Variants in JCAD observed in about 807,000 individuals in gnomAD.
JCAD encodes junctional cadherin 5 associated, also known as junctional cadherin 5-associated protein.
Under a neutral mutation model 98.0 loss-of-function variants are expected in JCAD, and 40 were observed. The ratio of observed to expected loss-of-function variants is 0.41; its 90% CI spans 0.32 to 0.53. The LOEUF is 0.53. Ranked by LOEUF, JCAD falls within the 20% of genes least tolerant of loss-of-function variation. The pLI is 0.31. For synonymous variants in JCAD, 691 were observed against 682.3 expected (o/e 1.01, Z -0.20); for missense variants, 1,705 against 1,738.1 (o/e 0.98, Z 0.34).
chr10:30,079,673 A>G (rs1001032221), intron 1 of JCAD, among the ~76,000 whole-genome samples: 40 of 152,284 alleles, frequency 2.6e-4, no homozygotes, highest in Admixed American at 4.6e-4. Flanking sequence ...GGCCACTCCT[A>G]CTGAAAGACT....
In JCAD at chr10:30,029,856, G is replaced by A; in HGVS notation, c.292C>T (p.Gln98Ter). The A allele has an allele frequency of 6.2e-7, 1 of 1,613,484 alleles. No homozygotes were observed. The highest frequency in any genetic ancestry group is 8.5e-7 in the Non-Finnish European group (1 of 1,179,712). The change falls in exon 3 of 4, where the codon CAA becomes TAA. Residue 98 changes from glutamine (Q) to a stop codon, truncating the protein, a stop_gained. Transcript: ENST00000375377. LOFTEE classifies it high-confidence loss of function. Reference sequence around the variant, plus strand: ...TGAGAGGACCATGCTGAGGGGGGTTGATTACAAAACCTACAAAACAAAGAG... The same window carrying A: ...TGAGAGGACCATGCTGAGGGGGGTTAATTACAAAACCTACAAAACAAAGAG... The part of the protein sequence containing the change: ...SRTSEAGFCN[Q>*]PPSAWSSHPP...
chr10:30,020,392 C>T (rs527813022), intron 3 of JCAD, among the ~76,000 whole-genome samples: 22 of 148,936 alleles, frequency 1.5e-4, no homozygotes, highest in African/African-American at 5.4e-4. Context: ...TCCATCTGGA[C>T]AACTGTGCAT....
intron 2 of JCAD, among the ~76,000 whole-genome samples, chr10:30,035,064 C>T (rs764217447): frequency 2.6e-5 from 4 of 152,094 alleles, no homozygotes; most frequent in South Asian, 2.1e-4. Context: ...AATTGATATT[C>T]GGGTTTCACA....
intron 1 of JCAD, among the ~76,000 whole-genome samples, chr10:30,074,075 G>A (rs1175111239): frequency 6.6e-6 from 1 of 152,166 alleles, no homozygotes; most frequent in Non-Finnish European, 1.5e-5. Flanking sequence ...TTACAGTGTA[G>A]AAGAGTAGTC....
rs1477173976 is a variant in JCAD, at chr10:30,015,030, T to C, written c.*2853A>G. On this transcript the variant is annotated 3_prime_UTR_variant, in exon 4 of 4. Coordinates refer to ENST00000375377, the MANE Select transcript of JCAD (RefSeq NM_020848.4). ...TGCAGAAACATGAGGTTGAAAGTGA[T>C]AATATAGATATTTGGTTTTCAGTCA... The C allele has an allele frequency of 6.6e-6, 1 of 152,238 alleles. No homozygotes were observed. Among genetic ancestry groups the C allele is most frequent in the African/African-American group, 2.4e-5 (1 of 41,460 alleles). The allele number at this position is 152,238 out of a possible 1,614,324, so 9.4% of individuals were successfully genotyped here.
chr10:30,027,106 T>G lies in JCAD; in HGVS notation c.3042A>C (p.Pro1014=), dbSNP rs1383256684. 1 of 1,614,044 alleles carries G rather than the reference T, an allele frequency of 6.2e-7. No individual in the cohort carries two copies. Among genetic ancestry groups the G allele is most frequent in the Non-Finnish European group, 8.5e-7 (1 of 1,180,002 alleles). The change falls in exon 3 of 4, where the codon CCA becomes CCC. Residue 1014 remains proline, a synonymous_variant. Coordinates refer to ENST00000375377, the MANE Select transcript of JCAD (RefSeq NM_020848.4). Reference sequence around the variant, plus strand: ...CAAACTTCCGAGGGACCGCTTCACTTGGTTTCACAGAGCTGAAAGCACTGG... The same window carrying G: ...CAAACTTCCGAGGGACCGCTTCACTGGGTTTCACAGAGCTGAAAGCACTGG... The part of the protein sequence containing the change: ...KITSAFSSVK[P]SEAVPRKFDS...
At chr10:30,110,425 G>A (rs1838672348) in intron 1 of JCAD, among the ~76,000 whole-genome samples, 2 of 152,048 alleles carry the variant, frequency 1.3e-5, no homozygotes, top group Non-Finnish European at 2.9e-5. Flanking sequence ...GCTAATGTAT[G>A]GACCTGTTGG....
intron 2 of JCAD, among the ~76,000 whole-genome samples, chr10:30,066,370 C>T (rs144926462): frequency 3.9e-5 from 6 of 152,288 alleles, no homozygotes; most frequent in South Asian, 4.2e-4. Flanking sequence ...CTTGTTCTCA[C>T]GTAAAGCCAC....
chr10:30,051,726 TGG>T (rs1025326978), intron 1 of JCAD, among the ~76,000 whole-genome samples: 1 of 151,908 alleles, frequency 6.6e-6, no homozygotes, highest in African/African-American at 2.4e-5. Context: ...CGAGAACAGA[TGG>T]GGGACCTGTA....
intron 1 of JCAD, among the ~76,000 whole-genome samples, chr10:30,106,859 T>C (rs746626481): frequency 6.6e-6 from 1 of 152,190 alleles, no homozygotes; most frequent in Non-Finnish European, 1.5e-5. Flanking sequence ...ATTTGATTTC[T>C]CAATTATTAT....
intron 2 of JCAD, among the ~76,000 whole-genome samples, chr10:30,047,167 T>A (rs1344652556): frequency 1.3e-5 from 2 of 151,368 alleles, no homozygotes; most frequent in South Asian, 2.1e-4. Flanking sequence ...AGGTCAGGAG[T>A]TCGAGACCAG....
At chr10:30,033,339 T>C (rs1038671553) in intron 2 of JCAD, among the ~76,000 whole-genome samples, 2 of 152,208 alleles carry the variant, frequency 1.3e-5, no homozygotes, top group African/African-American at 2.4e-5. Context: ...CTAAAACACT[T>C]TGAAAAACAC....
chr10:30,108,851 T>TA (rs796575445), intron 1 of JCAD, among the ~76,000 whole-genome samples: 4,090 of 140,494 alleles, frequency 0.029, 96 homozygotes, highest in African/African-American at 0.069. Context: ...TGCTCAAGAT[T>TA]AAAAAAAAAA....
intron 1 of JCAD, among the ~76,000 whole-genome samples, chr10:30,100,903 C>T (rs560741283): frequency 2.0e-5 from 3 of 152,192 alleles, no homozygotes; most frequent in Admixed American, 2.0e-4. Flanking sequence ...TTGGTTCAGC[C>T]AGAGAAGTGG....
rs374626132 is a variant in JCAD, at chr10:30,028,202, T to G, written c.1946A>C (p.Lys649Thr). The G allele has an allele frequency of 1.2e-6, 2 of 1,614,078 alleles. No homozygotes were observed. The highest frequency in any genetic ancestry group is 2.7e-5 in the African/African-American group (2 of 74,916). The change falls in exon 3 of 4, where the codon AAA becomes ACA. Residue 649 changes from lysine to threonine, a missense_variant. By Grantham distance (78) the Lys-to-Thr change is moderately conservative. Coordinates refer to ENST00000375377, the MANE Select transcript of JCAD (RefSeq NM_020848.4). ...TTCTTCTGGTTCCCCTAGATCTTGT[T>G]TTTGGAACTCCGTTCTCCCACCCAT... ...GSMGGRTEFQ[K>T]QDLGEPEEDR...
intron 3 of JCAD, among the ~76,000 whole-genome samples, chr10:30,023,098 C>T (rs1007904798): frequency 2.0e-5 from 3 of 151,976 alleles, no homozygotes; most frequent in South Asian, 2.1e-4. Context: ...AGTGCAATGG[C>T]GCGATCTCAG....
chr10:30,101,839 C>T (rs1224423850), intron 1 of JCAD, among the ~76,000 whole-genome samples: 1 of 152,216 alleles, frequency 6.6e-6, no homozygotes, highest in African/African-American at 2.4e-5. Context: ...AGATTATCCA[C>T]TCATTCACTT....
intron 2 of JCAD, among the ~76,000 whole-genome samples, chr10:30,039,071 G>A (rs1013295223): frequency 6.6e-5 from 10 of 152,320 alleles, no homozygotes; most frequent in South Asian, 4.1e-4. Context: ...TGGCAAGGAC[G>A]CACTGATGCC....
chr10:30,104,653 A>C (rs909380261), intron 1 of JCAD, among the ~76,000 whole-genome samples: 17 of 152,122 alleles, frequency 1.1e-4, no homozygotes, highest in African/African-American at 4.1e-4. Context: ...GACCATCCAC[A>C]CCCCAAACCT....
Sources: allele counts gnomAD v4.1 joint callset (sites outside exome capture counted in the v4.1 genomes callset), GRCh38; gene constraint gnomAD v4.1.1; transcripts MANE v1.5; gene names NCBI Gene and HGNC (gene_info 2026-07-23, HGNC 2026-07-21).